Variants in COX7B2 observed in about 807,000 individuals in gnomAD.
COX7B2 encodes the protein cytochrome c oxidase subunit 7B2, also known as cytochrome c oxidase subunit 7B2, mitochondrial.
For synonymous variants in COX7B2, 37 were observed against 32.1 expected, an observed-to-expected ratio of 1.15 and a Z score of -0.51; for missense variants, 109 against 95.9, an observed-to-expected ratio of 1.14 and a Z score of -0.57.
At position 46,780,434 on chromosome 4, in the gene COX7B2, A is replaced by T. The variant is rs576405639; in HGVS notation, c.-49-45193T>A. ...TGGGAGGCTGAGGCAGGAGAATGGCATGAACCCAGGAGGCAGAGCTTGCAG... is the reference window on the plus strand; with the variant it reads ...TGGGAGGCTGAGGCAGGAGAATGGCTTGAACCCAGGAGGCAGAGCTTGCAG... On this transcript the variant is annotated intron_variant, in intron 2 of 2. Transcript: ENST00000355591. Among the ~76,000 whole-genome samples the T allele has an allele frequency of 2.6e-5, 4 of 152,220 alleles. No individual in the cohort carries two copies. In the East Asian group the frequency reaches 7.7e-4, roughly 29 times the overall value.
chr4:46,802,514 T>C (rs994697435), intron 2 of COX7B2, among the ~76,000 whole-genome samples: 16 of 152,296 alleles, frequency 1.1e-4, no homozygotes, highest in African/African-American at 3.6e-4. Context: ...TAAAATATGC[T>C]GCTTTTGGGG....
chr4:46,879,018 T>C (rs1001846525), intron 1 of COX7B2, among the ~76,000 whole-genome samples: 1 of 152,224 alleles, frequency 6.6e-6, no homozygotes, highest in Admixed American at 6.5e-5. Flanking sequence ...ATAGGTCACT[T>C]GACACTTTTC....
At chr4:46,881,566 C>G (rs1718743415) in intron 1 of COX7B2, among the ~76,000 whole-genome samples, 1 of 151,946 alleles carries the variant, frequency 6.6e-6, no homozygotes, top group African/African-American at 2.4e-5. Flanking sequence ...AGTTCAAGAC[C>G]AGCCTGGCCA....
chr4:46,806,531 A>T (rs991592187), intron 2 of COX7B2, among the ~76,000 whole-genome samples: 2 of 152,072 alleles, frequency 1.3e-5, no homozygotes, highest in Admixed American at 1.3e-4. Context: ...TTACTCAATT[A>T]TTTTGTTTTT....
intron 2 of COX7B2, among the ~76,000 whole-genome samples, chr4:46,833,389 T>A (rs1404328892): frequency 6.6e-6 from 1 of 151,748 alleles, no homozygotes; most frequent in Admixed American, 6.6e-5. Flanking sequence ...AGAAAAGAGG[T>A]TAGAAATAGA....
At chr4:46,748,002 A>G (rs145511265) in intron 2 of COX7B2, among the ~76,000 whole-genome samples, 158 of 152,368 alleles carry the variant, frequency 1.0e-3, no homozygotes, top group African/African-American at 3.6e-3. Context: ...CTTAGAATTA[A>G]CAGTATCTAA....
chr4:46,803,598 T>C (rs1456383813), intron 2 of COX7B2, among the ~76,000 whole-genome samples: 1 of 152,122 alleles, frequency 6.6e-6, no homozygotes, highest in Non-Finnish European at 1.5e-5. Flanking sequence ...CCTCCAAAAG[T>C]GTTTAGCATA....
At chr4:46,742,037 A>G (rs756274802) in intron 2 of COX7B2, among the ~76,000 whole-genome samples, 2 of 152,206 alleles carry the variant, frequency 1.3e-5, no homozygotes, top group African/African-American at 4.8e-5. Flanking sequence ...GGCCACTGAA[A>G]GAGTACAATA....
intron 2 of COX7B2, among the ~76,000 whole-genome samples, chr4:46,816,997 A>T (rs907096131): frequency 6.6e-6 from 1 of 152,192 alleles, no homozygotes; most frequent in Admixed American, 6.5e-5. Flanking sequence ...GAGTGATTCT[A>T]TCTTAGCTCA....
At chr4:46,736,808 A>G (rs1270626874) in intron 2 of COX7B2, among the ~76,000 whole-genome samples, 1 of 152,050 alleles carries the variant, frequency 6.6e-6, no homozygotes, top group African/African-American at 2.4e-5. Context: ...TTTTAGTGCT[A>G]ATTAATATTC....
At chr4:46,891,930 CAT>C (rs1031218918) in intron 1 of COX7B2, among the ~76,000 whole-genome samples, 12 of 152,182 alleles carry the variant, frequency 7.9e-5, no homozygotes, top group African/African-American at 2.9e-4. Flanking sequence ...CTGCGAAACA[CAT>C]ATCTTATGTA....
chr4:46,886,661 C>T (rs1304165611), intron 1 of COX7B2, among the ~76,000 whole-genome samples: 1 of 152,064 alleles, frequency 6.6e-6, no homozygotes, highest in Non-Finnish European at 1.5e-5. Context: ...CAACTAGTTT[C>T]TTTAAAATAT....
rs139797252 is a variant in COX7B2 at position 46,841,756 on chromosome 4, A to G, written c.-50+3204T>C. Among the ~76,000 whole-genome samples the G allele has an allele frequency of 4.5e-3, 681 of 152,112 alleles. 5 individuals carry two copies. Among genetic ancestry groups the G allele is most frequent in the African/African-American group, 0.016 (660 of 41,550 alleles). On this transcript the variant is annotated intron_variant, in intron 2 of 2. Transcript: ENST00000355591. The stretch of plus-strand genomic sequence containing the variant: ...CAAACAACAGGCCTGTTCACGCTGC[A>G]TTTCTGTGATGAGCTACTTAGTAGC...
intron 1 of COX7B2, among the ~76,000 whole-genome samples, chr4:46,869,120 T>C (rs1224350474): frequency 6.6e-6 from 1 of 152,216 alleles, no homozygotes; most frequent in Non-Finnish European, 1.5e-5. Context: ...TTTACTATTA[T>C]GTAATGCCTT....
At chr4:46,896,858 T>C (rs1008532209) in intron 1 of COX7B2, among the ~76,000 whole-genome samples, 1 of 152,212 alleles carries the variant, frequency 6.6e-6, no homozygotes, top group African/African-American at 2.4e-5. Context: ...TTCAATTTTC[T>C]CTTTCAAGTA....
chr4:46,849,308 C>T (rs1716509008), intron 1 of COX7B2, among the ~76,000 whole-genome samples: 1 of 152,076 alleles, frequency 6.6e-6, no homozygotes, highest in African/African-American at 2.4e-5. Context: ...GTGTTCACTT[C>T]TCTCAGTAAT....
chr4:46,811,386 G>A (rs1719277652), intron 2 of COX7B2, among the ~76,000 whole-genome samples: 2 of 151,274 alleles, frequency 1.3e-5, no homozygotes, highest in South Asian at 4.2e-4. Context: ...CTATACTGCA[G>A]TTCAAAAATT....
intron 2 of COX7B2, among the ~76,000 whole-genome samples, chr4:46,837,166 T>C (rs558596764): frequency 1.6e-4 from 24 of 151,850 alleles, no homozygotes; most frequent in Non-Finnish European, 2.9e-4. Flanking sequence ...TCAATAAAAA[T>C]GTAGTAGTTT....
intron 2 of COX7B2, among the ~76,000 whole-genome samples, chr4:46,799,650 A>C (rs145965721): frequency 1.3e-5 from 2 of 152,186 alleles, no homozygotes; most frequent in East Asian, 3.9e-4. Context: ...TTATGTAATG[A>C]ATCATATTTA....
Sources: allele counts gnomAD v4.1 joint callset (sites outside exome capture counted in the v4.1 genomes callset), GRCh38; gene constraint gnomAD v4.1.1; transcripts MANE v1.5; gene names NCBI Gene and HGNC (gene_info 2026-07-23, HGNC 2026-07-21).